The following RGL1 variants were observed in gnomAD, a reference collection of about 807,000 sequenced individuals.
RGL1 encodes ral guanine nucleotide dissociation stimulator-like 1.
In RGL1, 24 loss-of-function variants were observed where a neutral mutation model predicts 95.2. That is an observed-to-expected ratio of 0.25 (90% CI 0.18 to 0.35). The LOEUF is 0.35. Ranked by LOEUF, RGL1 falls within the 10% of genes least tolerant of loss-of-function variation. The pLI, the probability that RGL1 is intolerant of heterozygous loss-of-function variation, is 1.00. For synonymous variants in RGL1, 329 were observed against 344.9 expected (o/e 0.95, Z 0.51); for missense variants, 715 against 936.3 (o/e 0.76, Z 3.08).
intron 1 of RGL1, among the ~76,000 whole-genome samples, chr1:183,657,338 G>C (rs1040205291): frequency 2.6e-5 from 4 of 151,972 alleles, no homozygotes; most frequent in African/African-American, 9.7e-5. Context: ...TGTGCACAAC[G>C]TGCAGGTTTG....
At chr1:183,743,403 GA>G (rs1215736463) in intron 2 of RGL1, among the ~76,000 whole-genome samples, 3 of 151,980 alleles carry the variant, frequency 2.0e-5, no homozygotes, top group Admixed American at 2.0e-4. Flanking sequence ...ACGTAATAGG[GA>G]AAACAGAGAA....
intron 1 of RGL1, among the ~76,000 whole-genome samples, chr1:183,735,331 T>C (rs1656874154): frequency 1.3e-5 from 2 of 152,348 alleles, no homozygotes; most frequent in South Asian, 4.1e-4. Context: ...GGTTGCCCAA[T>C]GATTGACATT....
chr1:183,798,176 C>T (rs1034468959), intron 2 of RGL1, among the ~76,000 whole-genome samples: 3 of 152,054 alleles, frequency 2.0e-5, no homozygotes, highest in Admixed American at 6.6e-5. Flanking sequence ...TATTTTTCTT[C>T]GCATGGTATT....
chr1:183,715,048 A>G (rs543914633), intron 1 of RGL1, among the ~76,000 whole-genome samples: 8 of 152,318 alleles, frequency 5.3e-5, no homozygotes, highest in African/African-American at 1.9e-4. Context: ...TATTTTAGGA[A>G]TGAGGAAACC....
At chr1:183,716,668 A>G (rs1655642042) in intron 1 of RGL1, among the ~76,000 whole-genome samples, 1 of 152,262 alleles carries the variant, frequency 6.6e-6, no homozygotes, top group Non-Finnish European at 1.5e-5. Flanking sequence ...CCCATATCCC[A>G]GCATGTCCAC....
At chr1:183,883,690 C>G (rs1666949111) in intron 5 of RGL1, 96 bp from the exon 6 acceptor site, 2 of 1,402,404 alleles carry the variant, frequency 1.4e-6, no homozygotes, top group South Asian at 2.6e-5. Context: ...GAGGATTGGC[C>G]CTCTTCTTCC....
chr1:183,864,690 G>A (rs1665718100), intron 3 of RGL1, among the ~76,000 whole-genome samples: 1 of 152,220 alleles, frequency 6.6e-6, no homozygotes, highest in Non-Finnish European at 1.5e-5. Context: ...ACAGAATGAA[G>A]AGGAAAAGAG....
chr1:183,774,773 A>C (rs1398555600), intron 2 of RGL1, among the ~76,000 whole-genome samples: 2 of 151,834 alleles, frequency 1.3e-5, no homozygotes, highest in Non-Finnish European at 2.9e-5. Flanking sequence ...ACGGGGTGTC[A>C]CCAAATTGGC....
chr1:183,711,978 T>C (rs1187752414), intron 1 of RGL1, among the ~76,000 whole-genome samples: 1 of 152,188 alleles, frequency 6.6e-6, no homozygotes, highest in African/African-American at 2.4e-5. Flanking sequence ...AGAGTAGCAG[T>C]GCAGATTTAC....
At chr1:183,740,075 A>G (rs10911428) in intron 1 of RGL1, among the ~76,000 whole-genome samples, 69,479 of 152,064 alleles carry the variant, frequency 0.46, 16,974 homozygotes, top group East Asian at 0.8. Flanking sequence ...ATTTGTTATT[A>G]TTTACAGTAT....
chr1:183,696,325 T>C (rs1654251353), intron 1 of RGL1, among the ~76,000 whole-genome samples: 1 of 152,204 alleles, frequency 6.6e-6, no homozygotes, highest in African/African-American at 2.4e-5. Flanking sequence ...CTATCAGTCC[T>C]TTTCAACCAT....
intron 9 of RGL1, among the ~76,000 whole-genome samples, chr1:183,893,238 AG>A (rs1667519793): frequency 6.6e-6 from 1 of 152,240 alleles, no homozygotes; most frequent in South Asian, 2.1e-4. Context: ...TTTATAAAAT[AG>A]TGTGATAGGT....
At chr1:183,739,719 G>T (rs1657168846) in intron 1 of RGL1, among the ~76,000 whole-genome samples, 1 of 152,198 alleles carries the variant, frequency 6.6e-6, no homozygotes, top group Non-Finnish European at 1.5e-5. Flanking sequence ...TGCCTCTCTT[G>T]AGTCCCTCCT....
chr1:183,647,540 T>C (rs775323462), intron 1 of RGL1: 407 of 1,336,198 alleles, frequency 3.0e-4, no homozygotes, highest in Non-Finnish European at 4.0e-4. Flanking sequence ...GTTGATATGG[T>C]AAATAATTCA....
chr1:183,693,934 G>A (rs1422761602), intron 1 of RGL1, among the ~76,000 whole-genome samples: 4 of 152,114 alleles, frequency 2.6e-5, no homozygotes, highest in African/African-American at 7.2e-5. Flanking sequence ...GGATTACTCT[G>A]TCCCTTTGAA....
chr1:183,817,611 GTTCT>G (rs1662174178), intron 2 of RGL1, among the ~76,000 whole-genome samples: 1 of 152,128 alleles, frequency 6.6e-6, no homozygotes, highest in Non-Finnish European at 1.5e-5. Context: ...TTCATTCCCT[GTTCT>G]CAGCTGACTT....
chr1:183,652,696 A>C (rs1007481273), intron 1 of RGL1, among the ~76,000 whole-genome samples: 2 of 152,228 alleles, frequency 1.3e-5, no homozygotes, highest in African/African-American at 4.8e-5. Context: ...TTGTTTCCCC[A>C]GCAGCTGGTG....
At chr1:183,643,452 T>G (rs1650074827) in intron 1 of RGL1, among the ~76,000 whole-genome samples, 1 of 151,942 alleles carries the variant, frequency 6.6e-6, no homozygotes, top group East Asian at 1.9e-4. Flanking sequence ...CCACCATGCC[T>G]GGCTAACTTT....
chr1:183,650,183 C>G (rs1296257757), intron 1 of RGL1, among the ~76,000 whole-genome samples: 2 of 152,056 alleles, frequency 1.3e-5, no homozygotes, highest in South Asian at 2.1e-4. Context: ...ATAATATAAA[C>G]AAAGTCATGT....
Sources: gnomAD v4.1 joint callset for allele counts (sites outside exome capture counted in the v4.1 genomes callset) on GRCh38, gnomAD v4.1.1 for gene constraint, MANE v1.5 for transcripts, NCBI Gene and HGNC (gene_info 2026-07-23, HGNC 2026-07-21) for gene names.